Variants in CAPN13 observed in about 807,000 individuals in gnomAD.
CAPN13 encodes calpain 13.
A neutral mutation model predicts 98.4 loss-of-function variants in CAPN13; 90 were observed. The ratio of observed to expected loss-of-function variants is 0.92; its 90% CI spans 0.77 to 1.09. CAPN13 has a LOEUF of 1.09. Among genes scored for constraint, CAPN13 ranks in the 50% least tolerant of loss-of-function variants. The pLI is 0.00. For synonymous variants in CAPN13, 330 were observed against 305.5 expected, an observed-to-expected ratio of 1.08 and a Z score of -0.84; for missense variants, 887 against 841.3, an observed-to-expected ratio of 1.05 and a Z score of -0.67.
At chr2:30,744,566 G>C (rs1671814198) in intron 12 of CAPN13, among the ~76,000 whole-genome samples, 1 of 152,180 alleles carries the variant, frequency 6.6e-6, no homozygotes, top group Non-Finnish European at 1.5e-5. Context: ...GGCATGCAGA[G>C]GTGTGTGGGC....
chr2:30,741,590 G>T (rs1671658530), intron 15 of CAPN13: 2 of 1,103,316 alleles, frequency 1.8e-6, no homozygotes, highest in East Asian at 1.2e-4. Context: ...GAGAAGGAAA[G>T]GTTTCACGGG....
intron 1 of CAPN13, among the ~76,000 whole-genome samples, chr2:30,799,931 AG>A (rs1675095871): frequency 6.6e-6 from 1 of 151,858 alleles, no homozygotes; most frequent in South Asian, 2.1e-4. Flanking sequence ...AAAATTAGCC[AG>A]GTGTGGTGGC....
At chr2:30,781,853 T>C (rs1673997119) in intron 2 of CAPN13, among the ~76,000 whole-genome samples, 1 of 152,204 alleles carries the variant, frequency 6.6e-6, no homozygotes, top group Non-Finnish European at 1.5e-5. Context: ...AGATATATAC[T>C]AGGATATATT....
chr2:30,745,334 A>G (rs921188816), intron 12 of CAPN13: 10 of 491,888 alleles, frequency 2.0e-5, no homozygotes, highest in African/African-American at 1.6e-4. Context: ...TTTGGAGAGC[A>G]TGCATCCTGC....
At chr2:30,741,373 A>G in intron 15 of CAPN13, 1 of 986,310 alleles carries the variant, frequency 1.0e-6, no homozygotes, top group Non-Finnish European at 1.2e-6. Context: ...TAACACAATT[A>G]TTAACGGTAA....
intron 19 of CAPN13, among the ~76,000 whole-genome samples, chr2:30,733,100 G>C (rs141140159): frequency 2.0e-5 from 3 of 152,272 alleles, no homozygotes; most frequent in East Asian, 3.9e-4. Context: ...TTGTCATCCT[G>C]TGCTTCTAGT....
intron 7 of CAPN13, among the ~76,000 whole-genome samples, chr2:30,759,360 G>A (rs1572831797): frequency 6.6e-6 from 1 of 152,190 alleles, no homozygotes; most frequent in East Asian, 1.9e-4. Flanking sequence ...GCAGGACTGT[G>A]GGAAAGTGAC....
intron 5 of CAPN13, among the ~76,000 whole-genome samples, chr2:30,769,746 A>G (rs1673299153): frequency 1.3e-5 from 2 of 152,234 alleles, no homozygotes; most frequent in Non-Finnish European, 2.9e-5. Flanking sequence ...TATTTTGACC[A>G]TATGAGAATA....
chr2:30,800,789 T>C (rs1415069930), intron 1 of CAPN13, among the ~76,000 whole-genome samples: 1 of 152,188 alleles, frequency 6.6e-6, no homozygotes, highest in East Asian at 1.9e-4. Context: ...GAAATCTCCT[T>C]TCCCCTCCCT....
rs113432425 is a variant in CAPN13, at chr2:30,761,789, T to C, written c.774+1293A>G. On this transcript the variant is annotated intron_variant, in intron 7 of 22. Coordinates refer to ENST00000295055, the MANE Select transcript of CAPN13 (RefSeq NM_144575.3). The stretch of plus-strand genomic sequence containing the variant: ...GGAGATACTGTCTTGGTTTTGTGAT[T>C]GGGACACCGATCAAACCATGAAACA... Among the ~76,000 whole-genome samples, 1,136 of 152,306 alleles carry C rather than the reference T, an allele frequency of 7.5e-3. 17 individuals carry two copies. The highest frequency in any genetic ancestry group is 0.026 in the African/African-American group (1,085 of 41,564).
At chr2:30,753,698 T>C (rs1487886974) in intron 9 of CAPN13, among the ~76,000 whole-genome samples, 2 of 152,252 alleles carry the variant, frequency 1.3e-5, no homozygotes, top group Non-Finnish European at 2.9e-5. Flanking sequence ...TGATTCTTAA[T>C]TATTTAGATC....
At chr2:30,738,517 T>A in intron 15 of CAPN13, 60 bp from the exon 16 acceptor site, 2 of 1,510,762 alleles carry the variant, frequency 1.3e-6, no homozygotes, top group Admixed American at 1.9e-5. Flanking sequence ...GAGAGGCACA[T>A]CTGCCTGCCG....
intron 8 of CAPN13, among the ~76,000 whole-genome samples, chr2:30,755,857 C>G (rs57671029): frequency 1.7e-5 from 2 of 118,718 alleles, no homozygotes; most frequent in Non-Finnish European, 1.9e-5. Flanking sequence ...TAGATCAATA[C>G]GCTATTGATT....
At chr2:30,730,679 G>A (rs553331143) in intron 22 of CAPN13, 51 bp downstream of exon 22, 9 of 774,738 alleles carry the variant, frequency 1.2e-5, no homozygotes, top group Middle Eastern at 2.3e-4. Context: ...TAGAGGGGAA[G>A]GAGGACTCAT....
chr2:30,770,340 G>T lies in CAPN13; in HGVS notation c.497C>A (p.Pro166His), dbSNP rs1469906412. The change falls in exon 5 of 23, where the codon CCC becomes CAC. Residue 166 changes from proline to histidine, a missense_variant. Pro to His is a moderately conservative substitution (Grantham distance 77). Coordinates refer to ENST00000295055, the MANE Select transcript of CAPN13 (RefSeq NM_144575.3). ...RPRHQNQEFWPCLLEKAYAKL... is the reference protein window; with the variant it reads ...RPRHQNQEFWHCLLEKAYAKL... ...GGCATAGGCCTTCTCCAGCAGGCAGGGCCAGAACTCTTGGTTTTGGTGGCG... is the reference window on the plus strand; with the variant it reads ...GGCATAGGCCTTCTCCAGCAGGCAGTGCCAGAACTCTTGGTTTTGGTGGCG... 33 of 1,613,862 alleles carry T rather than the reference G, an allele frequency of 2.0e-5. No homozygotes were observed. The highest frequency in any genetic ancestry group is 2.5e-5 in the Non-Finnish European group (30 of 1,179,874).
rs1327797453 is a variant in CAPN13 at position 30,753,306 on chromosome 2, T to G, written c.942-108A>C. On this transcript the variant is annotated intron_variant, in intron 9 of 22. Coordinates refer to ENST00000295055, the MANE Select transcript of CAPN13 (RefSeq NM_144575.3). ...ACTGTCCTGCCCAGAGGCCAGTGTC[T>G]GATCCTGGCTCATTCACCATCAAGC... is the stretch of plus-strand genomic sequence containing the variant. 33 of 1,126,932 alleles carry G rather than the reference T, an allele frequency of 2.9e-5. No homozygotes were observed. In the Admixed American group the frequency reaches 6.8e-4, roughly 23 times the overall value. The allele number at this position is 1,126,932 out of a possible 1,614,324, so 69.8% of individuals were successfully genotyped here.
At chr2:30,732,693 C>A in intron 19 of CAPN13, 127 bp from the exon 20 acceptor site, 1 of 1,254,598 alleles carries the variant, frequency 8.0e-7, no homozygotes, top group Non-Finnish European at 1.1e-6. Context: ...ACTCAGCCCC[C>A]TCCCTTCAGT....
At chr2:30,743,254 G>T in intron 13 of CAPN13, 129 bp downstream of exon 13, 1 of 841,886 alleles carries the variant, frequency 1.2e-6, no homozygotes, top group Non-Finnish European at 2.0e-6. Context: ...TCTAGAGTGG[G>T]GCCAATATCA....
intron 4 of CAPN13, among the ~76,000 whole-genome samples, chr2:30,772,317 G>A (rs542127601): frequency 1.3e-5 from 2 of 152,190 alleles, no homozygotes; most frequent in African/African-American, 4.8e-5. Flanking sequence ...GAGTGTTTTA[G>A]GCAAAGCATC....
Sources: allele counts gnomAD v4.1 joint callset (sites outside exome capture counted in the v4.1 genomes callset), GRCh38; gene constraint gnomAD v4.1.1; transcripts MANE v1.5; gene names NCBI Gene and HGNC (gene_info 2026-07-23, HGNC 2026-07-21).